The following SORT1 variants were observed in gnomAD, a reference collection of about 807,000 sequenced individuals.
The protein encoded by SORT1 is sortilin.
In SORT1, 39 loss-of-function variants were observed where a neutral mutation model predicts 101.7. The ratio of observed to expected loss-of-function variants is 0.38; its 90% confidence interval spans 0.30 to 0.50. SORT1 has a LOEUF of 0.50. Among genes scored for constraint, SORT1 ranks in the 20% least tolerant of loss-of-function variants. The pLI is 0.90. For missense variants in SORT1, 878 were observed against 1,040.4 expected, an observed-to-expected ratio of 0.84 and a Z score of 2.15; for synonymous variants, 396 against 393.7, an observed-to-expected ratio of 1.01 and a Z score of -0.07.
chr1:109,335,404 G>C (rs1648743174), intron 11 of SORT1, among the ~76,000 whole-genome samples: 1 of 152,228 alleles, frequency 6.6e-6, no homozygotes, highest in Non-Finnish European at 1.5e-5. Flanking sequence ...GGGTCAGAAA[G>C]TCGGGTAGAT....
intron 1 of SORT1, among the ~76,000 whole-genome samples, chr1:109,395,462 CCACCTG>C (rs1653138760): frequency 6.6e-6 from 1 of 151,880 alleles, no homozygotes; most frequent in African/African-American, 2.4e-5. Flanking sequence ...CTCAAGTGAT[CCACCTG>C]CCTTGGCCTC....
intron 11 of SORT1, 34 bp downstream of exon 11, chr1:109,336,206 C>G (rs1227838641): frequency 7.7e-7 from 1 of 1,300,232 alleles, no homozygotes; most frequent in Non-Finnish European, 1.1e-6. Context: ...AATGGAAAGG[C>G]TGCTGTGCTC....
rs1156665748 is a variant in SORT1, at chr1:109,323,041, T to G, written c.1915A>C (p.Lys639Gln). Residue 639 changes from lysine (K) to glutamine (Q), a missense_variant, in exon 15 of 20, where the codon AAA becomes CAA. Physicochemically the swap from Lys to Gln is moderately conservative, Grantham distance 53. Coordinates refer to ENST00000256637, the MANE Select transcript of SORT1 (RefSeq NM_002959.7). ...TTGCGTAGCCGCAGAAACTGTTCTT[T>G]GTAGCCCAAAATGCAGCCATCTTCA... is the stretch of plus-strand genomic sequence containing the variant. ...DYEDGCILGY[K>Q]EQFLRLRKSS... The G allele has an allele frequency of 6.2e-7, 1 of 1,614,072 alleles. No homozygotes were observed. The highest frequency in any genetic ancestry group is 1.3e-5 in the African/African-American group (1 of 74,944).
At chr1:109,322,180 C>T (rs999107671) in intron 15 of SORT1, among the ~76,000 whole-genome samples, 1 of 151,918 alleles carries the variant, frequency 6.6e-6, no homozygotes, top group Non-Finnish European at 1.5e-5. Flanking sequence ...TTAAGCAATC[C>T]ACCCGCCTCG....
At chr1:109,385,002 T>C (rs148631275) in intron 1 of SORT1, among the ~76,000 whole-genome samples, 1,734 of 152,180 alleles carry the variant, frequency 0.011, 18 homozygotes, top group Non-Finnish European at 0.018. Context: ...CCCTTGAACC[T>C]GGGAGGCGGA....
At chr1:109,348,856 C>T (rs547449528) in intron 6 of SORT1, among the ~76,000 whole-genome samples, 3 of 152,124 alleles carry the variant, frequency 2.0e-5, no homozygotes, top group African/African-American at 4.8e-5. Context: ...GTAGTTCCAG[C>T]GACTGGGAAG....
intron 15 of SORT1, among the ~76,000 whole-genome samples, chr1:109,321,330 T>G (rs551484116): frequency 7.9e-5 from 12 of 151,962 alleles, no homozygotes; most frequent in African/African-American, 2.9e-4. Context: ...TCGCCAGACT[T>G]GGGGGTGAAG....
chr1:109,366,715 T>G (rs1348243682), intron 3 of SORT1: 1 of 152,068 alleles, frequency 6.6e-6, no homozygotes, highest in African/African-American at 2.4e-5. Flanking sequence ...GATACCAGAC[T>G]GGGCAACATG....
At chr1:109,377,036 T>G (rs149967926) in intron 1 of SORT1, among the ~76,000 whole-genome samples, 2 of 152,348 alleles carry the variant, frequency 1.3e-5, no homozygotes, top group East Asian at 3.9e-4. Context: ...CATCTTTCAC[T>G]GTAAAACCAA....
At position 109,326,448 on chromosome 1, in the gene SORT1, TATATATATATATATATACATACAC is replaced by T. The variant is rs1212126124; in HGVS notation, c.1643+520_1643+543del. The stretch of plus-strand genomic sequence containing the variant: ...GAAAGAATATATATATATATATATA[TATATATATATATATATACATACAC>T]ACACACACACACATATATATACACA... On this transcript the variant is annotated intron_variant, in intron 13 of 19. Coordinates refer to ENST00000256637, the MANE Select transcript of SORT1 (RefSeq NM_002959.7). Among the ~76,000 whole-genome samples, 20 of 27,130 alleles carry T rather than the reference TATATATATATATATATACATACAC, an allele frequency of 7.4e-4. No homozygotes were observed. The Admixed American group carries it at 7.6e-3, about 10-fold the overall frequency. 17.8% of individuals were successfully genotyped at this position (27,130 alleles called of 152,430 possible). A position where few individuals can be genotyped will look rare whatever the true frequency, so the allele number is the denominator to read the frequency against.
chr1:109,370,261 G>A (rs1268499282), intron 1 of SORT1, among the ~76,000 whole-genome samples: 1 of 152,020 alleles, frequency 6.6e-6, no homozygotes, highest in Non-Finnish European at 1.5e-5. Flanking sequence ...AATCATTGTA[G>A]GTGGTTTTGG....
At chr1:109,334,224 A>T (rs1648657239) in intron 11 of SORT1, among the ~76,000 whole-genome samples, 1 of 152,192 alleles carries the variant, frequency 6.6e-6, no homozygotes, top group East Asian at 1.9e-4. Context: ...AGAGAAATGA[A>T]ATCGGTATGT....
intron 2 of SORT1, 122 bp downstream of exon 2, chr1:109,369,408 G>T: frequency 1.4e-6 from 1 of 690,838 alleles, no homozygotes. Context: ...GCAAACATGT[G>T]TTTTCTGTGA....
At chr1:109,328,633 A>G (rs1278243930) in intron 11 of SORT1, among the ~76,000 whole-genome samples, 2 of 152,198 alleles carry the variant, frequency 1.3e-5, no homozygotes, top group Non-Finnish European at 2.9e-5. Context: ...ATGTACTACA[A>G]TATCTGGAAG....
intron 17 of SORT1, among the ~76,000 whole-genome samples, chr1:109,315,078 T>A (rs1201332195): frequency 6.6e-6 from 1 of 152,140 alleles, no homozygotes; most frequent in Non-Finnish European, 1.5e-5. Flanking sequence ...TGCTTCACAC[T>A]ACCACTGTTC....
rs1445537745 is a variant in SORT1 at position 109,313,302 on chromosome 1, T to A, written c.*741A>T. ...GTGCTATATCTAGTCAATTCTCTGC[T>A]GCTCCCTTCTTCCTGCCCCAAGTTA... On this transcript the variant is annotated 3_prime_UTR_variant, in exon 20 of 20. Transcript: ENST00000256637. 2.4e-4 allele frequency: 37 copies of A among 152,794 alleles called. No individual in the cohort carries two copies. The allele number at this position is 152,794 out of a possible 1,614,324, so 9.5% of individuals were successfully genotyped here.
rs1658667961 is a variant in SORT1 at position 109,310,614 on chromosome 1, TGGA to T, written c.*3426_*3428del. ...CCTATTTTAGCACTTCCAAGTATCC[TGGA>T]TGAATATAGGGGCGAGGGGCTACAC... On this transcript the variant is annotated 3_prime_UTR_variant, in exon 20 of 20. Coordinates refer to ENST00000256637, the MANE Select transcript of SORT1 (RefSeq NM_002959.7). 1 of 153,358 alleles carries T rather than the reference TGGA, an allele frequency of 6.5e-6. No individual in the cohort carries two copies. Among genetic ancestry groups the T allele is most frequent in the Non-Finnish European group, 1.5e-5 (1 of 68,036 alleles). The allele number at this position is 153,358 out of a possible 1,614,324, so 9.5% of individuals were successfully genotyped here. A position where few individuals can be genotyped will look rare whatever the true frequency, so the allele number is the denominator to read the frequency against.
chr1:109,334,411 G>A (rs1356341912), intron 11 of SORT1, among the ~76,000 whole-genome samples: 1 of 152,224 alleles, frequency 6.6e-6, no homozygotes, highest in African/African-American at 2.4e-5. Context: ...GAGGCATTAT[G>A]TTAAGTAAAA....
At position 109,327,402 on chromosome 1, in the gene SORT1, A is replaced by T. The variant is rs72646573; in HGVS notation, c.1474+97T>A. ...CTACCAAAGGAATGTAAAAGCATCC[A>T]CATTGTTTCTTCTCAGAGCGTTCAA... On this transcript the variant is annotated intron_variant, in intron 12 of 19. Coordinates refer to ENST00000256637, the MANE Select transcript of SORT1 (RefSeq NM_002959.7). 4,264 of 791,980 alleles carry T rather than the reference A, an allele frequency of 5.4e-3. 56 individuals carry two copies. The highest frequency in any genetic ancestry group is 4.7e-3 in the Non-Finnish European group (2,306 of 489,572). 49.1% of individuals were successfully genotyped at this position (791,980 alleles called of 1,614,324 possible). A position where few individuals can be genotyped will look rare whatever the true frequency, so the allele number is the denominator to read the frequency against.
Sources: allele counts gnomAD v4.1 joint callset (sites outside exome capture counted in the v4.1 genomes callset), GRCh38; gene constraint gnomAD v4.1.1; transcripts MANE v1.5; gene names NCBI Gene and HGNC (gene_info 2026-07-23, HGNC 2026-07-21).